The following RNF4 variants were observed in gnomAD, a reference collection of about 807,000 sequenced individuals.
The protein encoded by RNF4 is ring finger protein 4.
In RNF4, 7 loss-of-function variants were observed where a neutral mutation model predicts 24.3. The ratio of observed to expected loss-of-function variants is 0.29; its 90% CI spans 0.16 to 0.54. The LOEUF is 0.54. Among genes scored for constraint, RNF4 ranks in the 20% least tolerant of loss-of-function variants. The pLI is 0.95. For missense variants in RNF4, 209 were observed against 248.5 expected (o/e 0.84, Z 1.07); for synonymous variants, 83 against 84.3 (o/e 0.98, Z 0.09).
At chr4:2,469,871 G>C (rs1578491727) in intron 1 of RNF4, 2 of 152,410 alleles carry the variant, frequency 1.3e-5, no homozygotes, top group East Asian at 3.8e-4. Context: ...GCGACTGTGA[G>C]GCTTGCGGCC....
At chr4:2,495,205 A>G (rs1735696022) in intron 2 of RNF4, among the ~76,000 whole-genome samples, 1 of 152,138 alleles carries the variant, frequency 6.6e-6, no homozygotes, top group Admixed American at 6.6e-5. Flanking sequence ...AAGTTACTAG[A>G]CCCAGCTTCA....
chr4:2,481,739 G>A (rs563284043), intron 1 of RNF4, among the ~76,000 whole-genome samples: 10 of 151,982 alleles, frequency 6.6e-5, no homozygotes, highest in African/African-American at 2.4e-4. Flanking sequence ...ACAGAGTCTC[G>A]CTCTATCACC....
chr4:2,476,946 T>A (rs1297267118), intron 1 of RNF4, among the ~76,000 whole-genome samples: 1 of 151,492 alleles, frequency 6.6e-6, no homozygotes, highest in Non-Finnish European at 1.5e-5. Flanking sequence ...CACGTCTAGC[T>A]CATTTTTGTA....
chr4:2,497,288 C>T, intron 3 of RNF4, 167 bp downstream of exon 3: 1 of 533,538 alleles, frequency 1.9e-6, no homozygotes, highest in Non-Finnish European at 3.3e-6. Flanking sequence ...AGCTTCTCAA[C>T]TGGGCTAACT....
chr4:2,488,192 G>A (rs536546060), intron 1 of RNF4, among the ~76,000 whole-genome samples: 76 of 152,320 alleles, frequency 5.0e-4, no homozygotes, highest in African/African-American at 1.7e-3. Context: ...GACAGACGTG[G>A]TGGCTCATGC....
chr4:2,507,223 G>C (rs140033961), intron 4 of RNF4, among the ~76,000 whole-genome samples: 48 of 152,150 alleles, frequency 3.2e-4, no homozygotes, highest in African/African-American at 1.1e-3. Flanking sequence ...AGGGAGGGAA[G>C]GAGGGAGGGA....
intron 2 of RNF4, among the ~76,000 whole-genome samples, chr4:2,493,202 G>C (rs535520648): frequency 5.9e-5 from 9 of 152,122 alleles, no homozygotes; most frequent in Non-Finnish European, 1.0e-4. Flanking sequence ...GGTGACATTT[G>C]AGTGGGTTCT....
At chr4:2,475,047 CTG>C (rs1450344406) in intron 1 of RNF4, among the ~76,000 whole-genome samples, 5 of 152,118 alleles carry the variant, frequency 3.3e-5, no homozygotes, top group Non-Finnish European at 5.9e-5. Context: ...AAAAGAAAAA[CTG>C]TCACAGCTGC....
chr4:2,491,877 GCA>G (rs1156384356), intron 2 of RNF4, among the ~76,000 whole-genome samples: 2 of 151,586 alleles, frequency 1.3e-5, no homozygotes, highest in African/African-American at 2.4e-5. Context: ...GGGATCATAG[GCA>G]TGCACCACCG....
intron 7 of RNF4, 59 bp from the exon 8 acceptor site, chr4:2,513,611 C>T (rs767294173): frequency 1.9e-6 from 3 of 1,603,476 alleles, no homozygotes; most frequent in Admixed American, 3.4e-5. Context: ...ATTCTCTGGC[C>T]CCATGGCTGC....
rs1735542701 is a variant in RNF4, at chr4:2,490,359, G to C, written c.-135G>C. 3 of 755,946 alleles carry C rather than the reference G, an allele frequency of 4.0e-6. No individual in the cohort carries two copies. The highest frequency in any genetic ancestry group is 3.6e-4 in the Middle Eastern group (1 of 2,754). 46.8% of individuals were successfully genotyped at this position (755,946 alleles called of 1,614,324 possible). ...CAGGACTTGAAAATACTGGAAATCTGTCCGGATCCAAATTATTTTGCAAGC... is the reference window on the plus strand; with the variant it reads ...CAGGACTTGAAAATACTGGAAATCTCTCCGGATCCAAATTATTTTGCAAGC... On this transcript the variant is annotated 5_prime_UTR_variant, in exon 2 of 8. Transcript: ENST00000314289.
At position 2,472,909 on chromosome 4, in the gene RNF4, G is replaced by T. The variant is rs368992225; in HGVS notation, c.-158+3651G>T. Among the ~76,000 whole-genome samples the T allele has an allele frequency of 2.6e-4, 39 of 151,870 alleles. No individual in the cohort carries two copies. The East Asian group carries it at 6.6e-3, about 26-fold the overall frequency. On this transcript the variant is annotated intron_variant, in intron 1 of 7. Transcript: ENST00000314289. Reference sequence around the variant, plus strand: ...CAAAAAATTAGCCGGTCTTGGCAGCGGGCACCTGTAGTCCCAGCTACTCGG... The same window carrying T: ...CAAAAAATTAGCCGGTCTTGGCAGCTGGCACCTGTAGTCCCAGCTACTCGG...
At chr4:2,495,965 C>A (rs1173780891) in intron 2 of RNF4, among the ~76,000 whole-genome samples, 1 of 152,218 alleles carries the variant, frequency 6.6e-6, no homozygotes, top group Non-Finnish European at 1.5e-5. Flanking sequence ...AGGATATTCT[C>A]AGCTTGTCTT....
chr4:2,491,733 C>T (rs771113451), intron 2 of RNF4, among the ~76,000 whole-genome samples: 7 of 151,976 alleles, frequency 4.6e-5, no homozygotes, highest in African/African-American at 7.2e-5. Context: ...CGCACCCAGC[C>T]GTTTTTATTT....
intron 1 of RNF4, among the ~76,000 whole-genome samples, chr4:2,473,994 T>C (rs977364256): frequency 5.9e-5 from 9 of 152,120 alleles, no homozygotes; most frequent in African/African-American, 1.9e-4. Context: ...GGCAGGAGAA[T>C]TGCTTGAACC....
At chr4:2,508,630 G>A (rs1736174741) in intron 4 of RNF4, among the ~76,000 whole-genome samples, 1 of 152,078 alleles carries the variant, frequency 6.6e-6, no homozygotes, top group African/African-American at 2.4e-5. Flanking sequence ...TTGTTTTTGA[G>A]ACGGAATTTC....
chr4:2,493,331 TGAGG>T (rs1735636743), intron 2 of RNF4, among the ~76,000 whole-genome samples: 1 of 151,352 alleles, frequency 6.6e-6, no homozygotes, highest in African/African-American at 2.4e-5. Flanking sequence ...AGAGGATTCC[TGAGG>T]TTAGGGAGGG....
chr4:2,505,400 A>G (rs1736052180), intron 4 of RNF4: 1 of 148,910 alleles, frequency 6.7e-6, no homozygotes, highest in African/African-American at 2.5e-5. Flanking sequence ...ATCTTGGCTC[A>G]CTGCCAGCTC....
chr4:2,491,766 C>T (rs1203573054), intron 2 of RNF4, among the ~76,000 whole-genome samples: 1 of 152,026 alleles, frequency 6.6e-6, no homozygotes, highest in Non-Finnish European at 1.5e-5. Flanking sequence ...CAGGGTCTCA[C>T]TCAGTCTCCC....
Sources: gnomAD v4.1 joint callset for allele counts (sites outside exome capture counted in the v4.1 genomes callset) on GRCh38, gnomAD v4.1.1 for gene constraint, MANE v1.5 for transcripts, NCBI Gene and HGNC (gene_info 2026-07-23, HGNC 2026-07-21) for gene names.